NEDD4L: variants seen among roughly 807,000 people sequenced by gnomAD.
NEDD4L encodes E3 ubiquitin-protein ligase NEDD4-like.
Under a neutral mutation model 148.9 loss-of-function variants are expected in NEDD4L, and 54 were observed. The observed-to-expected ratio is 0.36, with a 90% CI of 0.29 to 0.45. The LOEUF (loss-of-function observed/expected upper bound fraction) is 0.45. Among genes scored for constraint, NEDD4L ranks in the 20% least tolerant of loss-of-function variants. The pLI, the probability that NEDD4L is intolerant of heterozygous loss-of-function variation, is 1.00. For missense variants in NEDD4L, 856 were observed against 1,233.8 expected, an observed-to-expected ratio of 0.69 and a Z score of 4.59; for synonymous variants, 433 against 440.7, an observed-to-expected ratio of 0.98 and a Z score of 0.22.
chr18:58,294,075 T>C (rs2055174947), intron 5 of NEDD4L, among the ~76,000 whole-genome samples: 1 of 152,204 alleles, frequency 6.6e-6, no homozygotes, highest in African/African-American at 2.4e-5. Context: ...TTTGGTGCCA[T>C]GAACACCTAT....
At position 58,306,732 on chromosome 18, in the gene NEDD4L, T is replaced by C. The variant is rs544218511; in HGVS notation, c.298-9250T>C. Reference sequence around the variant, plus strand: ...CCTCTGCCTTTTGGGTTCAAGCAATTCTCCTGCCTCAGCCTCCCAAGTAGC... The same window carrying C: ...CCTCTGCCTTTTGGGTTCAAGCAATCCTCCTGCCTCAGCCTCCCAAGTAGC... On this transcript the variant is annotated intron_variant, in intron 5 of 30. Coordinates refer to ENST00000400345, the MANE Select transcript of NEDD4L (RefSeq NM_001144967.3). Among the ~76,000 whole-genome samples, 23 of 152,190 alleles carry C rather than the reference T, an allele frequency of 1.5e-4. No individual in the cohort carries two copies. The East Asian group carries it at 4.4e-3, about 29-fold the overall frequency.
Position 58,323,300 on chromosome 18 carries a change from A to T in NEDD4L, c.479A>T (p.Asp160Val). ...MAYMPKNGGQDEENSDQRDDM... is the reference protein window; with the variant it reads ...MAYMPKNGGQVEENSDQRDDM... ...TATATGCCAAAAAATGGAGGTCAAG[A>T]TGAAGAAAACAGTGACCAGAGGGAT... is the stretch of plus-strand genomic sequence containing the variant. The change falls in exon 8 of 31, where the codon GAT becomes GTT. Residue 160 changes from aspartate (D) to valine (V), a missense_variant. Around this residue, in one of 4 missense-constraint regions of NEDD4L, gnomAD observed 193 missense variants for 244.2 expected, o/e 0.79. Coordinates refer to ENST00000400345, the MANE Select transcript of NEDD4L (RefSeq NM_001144967.3). The T allele has an allele frequency of 1.2e-6, 2 of 1,600,546 alleles. No individual in the cohort carries two copies. The highest frequency in any genetic ancestry group is 1.7e-6 in the Non-Finnish European group (2 of 1,172,868).
chr18:58,095,410 G>A (rs986690513), intron 1 of NEDD4L, among the ~76,000 whole-genome samples: 2 of 152,208 alleles, frequency 1.3e-5, no homozygotes, highest in Non-Finnish European at 2.9e-5. Flanking sequence ...CGGGCAGAGG[G>A]AGTGGCAAAA....
chr18:58,159,662 A>G (rs1475732041), intron 1 of NEDD4L, among the ~76,000 whole-genome samples: 1 of 152,210 alleles, frequency 6.6e-6, no homozygotes, highest in Admixed American at 6.5e-5. Flanking sequence ...CACAATGGTC[A>G]TGGTCCATAT....
intron 1 of NEDD4L, among the ~76,000 whole-genome samples, chr18:58,071,050 A>T (rs1187833265): frequency 6.6e-6 from 1 of 152,190 alleles, no homozygotes; most frequent in African/African-American, 2.4e-5. Context: ...ACACACACAC[A>T]CACACACCTC....
At chr18:58,263,150 T>C (rs984142521) in intron 5 of NEDD4L, among the ~76,000 whole-genome samples, 1 of 152,226 alleles carries the variant, frequency 6.6e-6, no homozygotes, top group Non-Finnish European at 1.5e-5. Flanking sequence ...AACTTTGTAT[T>C]GGTTCCCTTA....
intron 5 of NEDD4L, among the ~76,000 whole-genome samples, chr18:58,303,958 C>T (rs1463550771): frequency 1.3e-5 from 2 of 152,110 alleles, no homozygotes; most frequent in African/African-American, 4.8e-5. Context: ...ATGGAATGGA[C>T]ACCTTCCAGA....
intron 2 of NEDD4L, among the ~76,000 whole-genome samples, chr18:58,241,570 C>T (rs1245316394): frequency 6.7e-6 from 1 of 150,326 alleles, no homozygotes; most frequent in Non-Finnish European, 1.5e-5. Context: ...CCTAGTGATT[C>T]TGACTAGCAG....
chr18:58,157,591 T>C (rs1438777407), intron 1 of NEDD4L, among the ~76,000 whole-genome samples: 2 of 152,186 alleles, frequency 1.3e-5, no homozygotes, highest in Non-Finnish European at 2.9e-5. Context: ...CAAATGATCA[T>C]GTATCTTAAG....
At chr18:58,061,753 A>C (rs1422778347) in intron 1 of NEDD4L, among the ~76,000 whole-genome samples, 6 of 152,202 alleles carry the variant, frequency 3.9e-5, no homozygotes, top group African/African-American at 1.4e-4. Context: ...GTGCATATGA[A>C]CTATGGCAAG....
chr18:58,191,939 G>A (rs997729437), intron 2 of NEDD4L, among the ~76,000 whole-genome samples: 4 of 152,162 alleles, frequency 2.6e-5, no homozygotes, highest in African/African-American at 9.7e-5. Context: ...GGGAGGCTGA[G>A]GCAGCTGGAT....
At chr18:58,265,484 G>A (rs2050088192) in intron 5 of NEDD4L, among the ~76,000 whole-genome samples, 3 of 152,054 alleles carry the variant, frequency 2.0e-5, no homozygotes, top group Admixed American at 6.6e-5. Flanking sequence ...AGAGACCCAG[G>A]AATGCAATGG....
In NEDD4L at chr18:58,401,193, A is replaced by G. The variant is rs1055142727; in HGVS notation, c.*4924A>G. On this transcript the variant is annotated 3_prime_UTR_variant, in exon 31 of 31. Coordinates refer to ENST00000400345, the MANE Select transcript of NEDD4L (RefSeq NM_001144967.3). Reference sequence around the variant, plus strand: ...TTCAAGCATTCCAAATAAATTATCAATGTTTCATAACTTTTTATTATAAAC... The same window carrying G: ...TTCAAGCATTCCAAATAAATTATCAGTGTTTCATAACTTTTTATTATAAAC... 9.2e-5 allele frequency: 14 copies of G among 152,196 alleles called. No individual in the cohort carries two copies. The highest frequency in any genetic ancestry group is 2.4e-4 in the African/African-American group (10 of 41,450). 9.4% of individuals were successfully genotyped at this position (152,196 alleles called of 1,614,324 possible). A position where few individuals can be genotyped will look rare whatever the true frequency, so the allele number is the denominator to read the frequency against.
chr18:58,216,401 A>G (rs1362779752), intron 2 of NEDD4L, among the ~76,000 whole-genome samples: 3 of 152,284 alleles, frequency 2.0e-5, no homozygotes, highest in East Asian at 1.9e-4. Context: ...GTTGCAAGAA[A>G]GGAGTGGCTT....
In NEDD4L at chr18:58,256,185, G is replaced by A. The variant is rs2048527180; in HGVS notation, c.297+4131G>A. 14 of 1,217,442 alleles carry A rather than the reference G, an allele frequency of 1.1e-5. No homozygotes were observed. Among genetic ancestry groups the A allele is most frequent in the Non-Finnish European group, 1.4e-5 (14 of 979,002 alleles). The allele number at this position is 1,217,442 out of a possible 1,614,324, so 75.4% of individuals were successfully genotyped here. ...GTGCGGTGCTCCGGCCCCGTGGACTGCGCGGAGGAGGCTGCCCCGGGCCTG... is the reference window on the plus strand; with the variant it reads ...GTGCGGTGCTCCGGCCCCGTGGACTACGCGGAGGAGGCTGCCCCGGGCCTG... On this transcript the variant is annotated intron_variant, in intron 5 of 30. Coordinates refer to ENST00000400345, the MANE Select transcript of NEDD4L (RefSeq NM_001144967.3). The surrounding 1 kb of genome is among the most constrained non-coding windows in gnomAD (Gnocchi z 5.2).
chr18:58,262,608 G>C (rs374270430), intron 5 of NEDD4L, among the ~76,000 whole-genome samples: 2 of 148,548 alleles, frequency 1.3e-5, no homozygotes, highest in Non-Finnish European at 1.5e-5. Flanking sequence ...CAGCCTGGGC[G>C]ACAGAGTGAA....
chr18:58,155,785 G>A (rs928428830), intron 1 of NEDD4L, among the ~76,000 whole-genome samples: 2 of 152,206 alleles, frequency 1.3e-5, no homozygotes, highest in African/African-American at 4.8e-5. Context: ...GATGACAGAA[G>A]GGAAGTGAGG....
At chr18:58,375,961 T>G (rs969295032) in intron 24 of NEDD4L, among the ~76,000 whole-genome samples, 4 of 152,196 alleles carry the variant, frequency 2.6e-5, no homozygotes, top group African/African-American at 9.6e-5. Flanking sequence ...GTATCTTCCT[T>G]TCATTTTTAA....
chr18:58,334,008 T>G, intron 12 of NEDD4L, 116 bp downstream of exon 12: 1 of 604,080 alleles, frequency 1.7e-6, no homozygotes, highest in Non-Finnish European at 2.7e-6. Flanking sequence ...ATAAATGAGA[T>G]GTTTTTAAAT....
Sources: allele counts gnomAD v4.1 joint callset (sites outside exome capture counted in the v4.1 genomes callset), GRCh38; gene constraint gnomAD v4.1.1; regional missense constraint gnomAD v4.1.1; non-coding constraint Gnocchi (gnomAD v3.1); transcripts MANE v1.5; gene names NCBI Gene and HGNC (gene_info 2026-07-23, HGNC 2026-07-21).